Variants in SHISA9 observed in about 807,000 individuals in gnomAD.
SHISA9 encodes shisa family member 9, also known as protein shisa-9.
A neutral mutation model predicts 38.0 loss-of-function variants in SHISA9; 13 were observed. The observed-to-expected ratio is 0.34, with a 90% confidence interval of 0.22 to 0.54. The LOEUF (loss-of-function observed/expected upper bound fraction) is 0.54, where lower values mean the gene tolerates loss of function less well. Among genes scored for constraint, SHISA9 ranks in the 20% least tolerant of loss-of-function variants. SHISA9 has a pLI of 0.91. For missense variants in SHISA9, 538 were observed against 575.8 expected (o/e 0.93, Z 0.67); for synonymous variants, 275 against 242.0 (o/e 1.14, Z -1.27).
At chr16:13,330,273 A>T in the SHISA9 span, among the ~76,000 whole-genome samples, 46 of 152,194 alleles carry the variant, frequency 3.0e-4, no homozygotes, top group Admixed American at 6.5e-4. Flanking sequence ...TTTTCATTTA[A>T]TTAATGTATA....
At chr16:13,037,082 ACC>A (rs2073078316) in intron 2 of SHISA9, among the ~76,000 whole-genome samples, 1 of 63,002 alleles carries the variant, frequency 1.6e-5, no homozygotes, top group African/African-American at 6.1e-5. Context: ...ACACACACAC[ACC>A]ACACCACACA....
At chr16:13,253,565 G>T in the SHISA9 span, among the ~76,000 whole-genome samples, 1 of 152,196 alleles carries the variant, frequency 6.6e-6, no homozygotes, top group Non-Finnish European at 1.5e-5. Flanking sequence ...GCAGGCAAGA[G>T]AGCTTGTGCA....
At chr16:13,452,523 G>A in the SHISA9 span, among the ~76,000 whole-genome samples, 13 of 152,154 alleles carry the variant, frequency 8.5e-5, no homozygotes, top group Non-Finnish European at 1.8e-4. Flanking sequence ...GTGGGTAGGT[G>A]GAAGATGGAG....
chr16:13,474,978 T>C, the SHISA9 span, among the ~76,000 whole-genome samples: 262 of 152,342 alleles, frequency 1.7e-3, 1 homozygote, highest in African/African-American at 6.1e-3. Context: ...TCAGGAGTTT[T>C]ATTCCATTCT....
At position 13,235,088 on chromosome 16, in the gene SHISA9, C is replaced by T; in HGVS notation, c.954C>T (p.Ala318=). ...GACGGCACCTGGCTGAGCTGGCTGC[C>T]AAGGGGAACTTACCTCTGCACCCCG... is the stretch of plus-strand genomic sequence containing the variant. ...TKRRHLAELA[A]KGNLPLHPVR... The change falls in exon 5 of 5, where the codon GCC becomes GCT. Residue 318 remains alanine (A), a synonymous_variant. Coordinates refer to ENST00000558583, the MANE Select transcript of SHISA9 (RefSeq NM_001145204.3). The T allele has an allele frequency of 6.4e-7, 1 of 1,551,550 alleles. No homozygotes were observed. The highest frequency in any genetic ancestry group is 1.2e-5 in the South Asian group (1 of 84,042).
chr16:13,213,657 G>A (rs1453356181), intron 4 of SHISA9, among the ~76,000 whole-genome samples: 1 of 152,160 alleles, frequency 6.6e-6, no homozygotes, highest in Non-Finnish European at 1.5e-5. Flanking sequence ...GCGGGGCGGG[G>A]GAAGAACACA....
At chr16:12,952,970 G>A (rs538699148) in intron 2 of SHISA9, among the ~76,000 whole-genome samples, 1 of 152,202 alleles carries the variant, frequency 6.6e-6, no homozygotes, top group East Asian at 1.9e-4. Flanking sequence ...GGCAGGCACA[G>A]CTCCTGACTT....
chr16:13,063,562 T>C (rs369300248), intron 2 of SHISA9, among the ~76,000 whole-genome samples: 20 of 152,278 alleles, frequency 1.3e-4, no homozygotes, highest in African/African-American at 4.3e-4. Context: ...TGGCGCAGAA[T>C]GTTCATCTAA....
chr16:13,367,129 T>TA, the SHISA9 span, among the ~76,000 whole-genome samples: 5 of 151,812 alleles, frequency 3.3e-5, no homozygotes, highest in Admixed American at 6.6e-5. Flanking sequence ...TAGCAAAACT[T>TA]AAACTCAGTA....
intron 2 of SHISA9, among the ~76,000 whole-genome samples, chr16:12,956,678 G>C (rs2071839403): frequency 6.6e-6 from 1 of 152,148 alleles, no homozygotes; most frequent in African/African-American, 2.4e-5. Flanking sequence ...ACAATGGGTA[G>C]ACATGGTCAT....
chr16:13,060,183 C>G (rs554444529), intron 2 of SHISA9, among the ~76,000 whole-genome samples: 4 of 152,206 alleles, frequency 2.6e-5, no homozygotes, highest in African/African-American at 9.6e-5. Flanking sequence ...CTCAATGCGC[C>G]CCGATGTGCC....
the SHISA9 span, among the ~76,000 whole-genome samples, chr16:13,287,306 G>C: frequency 6.6e-6 from 1 of 152,088 alleles, no homozygotes; most frequent in Admixed American, 6.6e-5. Context: ...TTGAGGCACC[G>C]GTGGAACTAT....
chr16:12,916,175 C>A (rs1343524035), intron 1 of SHISA9, among the ~76,000 whole-genome samples: 1 of 152,152 alleles, frequency 6.6e-6, no homozygotes, highest in Non-Finnish European at 1.5e-5. Context: ...ATTCACCTCT[C>A]TGAGCCTTTG....
At chr16:13,166,992 T>A (rs541764011) in intron 2 of SHISA9, among the ~76,000 whole-genome samples, 137 of 152,096 alleles carry the variant, frequency 9.0e-4, no homozygotes, top group Middle Eastern at 6.8e-3. Context: ...TAAAAAAAAA[T>A]TTTTTAAGAT....
At chr16:13,221,506 A>G (rs2051225679) in intron 4 of SHISA9, among the ~76,000 whole-genome samples, 1 of 152,104 alleles carries the variant, frequency 6.6e-6, no homozygotes, top group South Asian at 2.1e-4. Context: ...CTTGTGAAGA[A>G]GAAGAAAGCA....
chr16:13,329,249 C>T, the SHISA9 span, among the ~76,000 whole-genome samples: 4 of 152,148 alleles, frequency 2.6e-5, no homozygotes, highest in Non-Finnish European at 5.9e-5. Flanking sequence ...TTTTTCCTTT[C>T]CGGCGCCCCT....
At chr16:13,136,015 C>A (rs986083203) in intron 2 of SHISA9, among the ~76,000 whole-genome samples, 1 of 152,178 alleles carries the variant, frequency 6.6e-6, no homozygotes, top group Non-Finnish European at 1.5e-5. Flanking sequence ...AACACACTAG[C>A]TTTTAGCTGC....
the SHISA9 span, among the ~76,000 whole-genome samples, chr16:13,382,478 C>T: frequency 3.5e-5 from 5 of 143,692 alleles, no homozygotes; most frequent in African/African-American, 1.1e-4. Flanking sequence ...TGCAGTGAGC[C>T]GAGATCGCGC....
the SHISA9 span, among the ~76,000 whole-genome samples, chr16:13,518,010 G>A: frequency 2.0e-5 from 3 of 152,198 alleles, no homozygotes; most frequent in African/African-American, 4.8e-5. Context: ...CTGAGCAGCT[G>A]CTGGCAGTCA....
Sources: gnomAD v4.1 joint callset for allele counts (sites outside exome capture counted in the v4.1 genomes callset) on GRCh38, gnomAD v4.1.1 for gene constraint, MANE v1.5 for transcripts, NCBI Gene and HGNC (gene_info 2026-07-23, HGNC 2026-07-21) for gene names.